Variants in MUC4 observed in about 807,000 individuals in gnomAD.
The protein encoded by MUC4 is mucin 4, cell surface associated.
A neutral mutation model predicts 257.9 loss-of-function variants in MUC4; 202 were observed. The ratio of observed to expected loss-of-function variants is 0.78; its 90% CI spans 0.70 to 0.88. The LOEUF is 0.88. Among genes scored for constraint, MUC4 ranks in the 40% least tolerant of loss-of-function variants. The pLI is 0.00. For missense variants in MUC4, 5,976 were observed against 6,513.7 expected (o/e 0.92, Z 2.84); for synonymous variants, 2,351 against 2,757.1 (o/e 0.85, Z 4.62).
chr3:195,767,463 T>TC (rs1720833379), intron 7 of MUC4, among the ~76,000 whole-genome samples: 9 of 37,346 alleles, frequency 2.4e-4, no homozygotes, highest in African/African-American at 7.5e-4. Context: ...CCACCAACAC[T>TC]ACCACCACCA....
intron 16 of MUC4, 120 bp downstream of exon 16, chr3:195,760,764 C>T: frequency 2.4e-6 from 2 of 817,634 alleles, no homozygotes; most frequent in South Asian, 3.1e-5. Context: ...AGAGGAATGC[C>T]AGGAGTGGAA....
intron 3 of MUC4, among the ~76,000 whole-genome samples, chr3:195,777,899 GCCATACCTTCCACACCCATACCTTCCACA>G (rs1725319327): frequency 3.1e-5 from 1 of 31,976 alleles, no homozygotes; most frequent in East Asian, 4.4e-4. Flanking sequence ...ACCTTCCACA[GCCATACCTTCCACACCCATACCTTCCACA>G]CCCATACCTT....
At position 195,782,652 on chromosome 3, in the gene MUC4, AG is replaced by A; in HGVS notation, c.8927del (p.Pro2976LeufsTer28). 7.3e-7 allele frequency: 1 copy of A among 1,378,838 alleles called. No homozygotes were observed. The highest frequency in any genetic ancestry group is 9.8e-7 in the Non-Finnish European group (1 of 1,019,808). The allele number at this position is 1,378,838 out of a possible 1,614,324, so 85.4% of individuals were successfully genotyped here. A position where few individuals can be genotyped will look rare whatever the true frequency, so the allele number is the denominator to read the frequency against. ...CTGAGGAAGTGTCGGTGTCAGGAAG[AG>A]GGGTGGCGTGACCTGTGGATGCTGA... ...TSSASTGHAT[P>X]LPDTDTSSAS... On this transcript the variant is annotated frameshift_variant, in exon 2 of 25. Transcript: ENST00000463781. LOFTEE classifies it high-confidence loss of function.
chr3:195,794,381 GAGAGAGAGAGAAGAA>G (rs111612387), intron 1 of MUC4, among the ~76,000 whole-genome samples: 1,650 of 150,880 alleles, frequency 0.011, 24 homozygotes, highest in African/African-American at 0.039. Context: ...TATAGAGAGA[GAGAGAGAGAGAAGAA>G]AGAGAGAGAG....
rs1018195432 is a variant in MUC4 at position 195,780,453 on chromosome 3, G to C, written c.11127C>G (p.His3709Gln). ...VTIPSSSSSG[H>Q]TTPLPVTSTS... ...TGCTGGTGACAGGAAGAGGGGTGGT[G>C]TGACCTGAGGATGATGAGGAAGGGA... The change falls in exon 2 of 25, where the codon CAC (histidine) becomes CAG (glutamine). Residue 3709 changes from histidine (H) to glutamine (Q), a missense_variant. Physicochemically the swap from His to Gln is conservative, Grantham distance 24 (BLOSUM62 0). This residue lies in a region of MUC4 where 330 missense variants were observed against 262.0 expected (regional missense o/e 1.26). Coordinates refer to ENST00000463781, the MANE Select transcript of MUC4 (RefSeq NM_018406.7). 0.12 allele frequency: 100,434 copies of C among 812,036 alleles called. 15,344 individuals carry two copies. The highest frequency in any genetic ancestry group is 0.26 in the East Asian group (6,506 of 24,634). 50.3% of individuals were successfully genotyped at this position (812,036 alleles called of 1,614,324 possible).
At chr3:195,807,523 C>T (rs77894909) in intron 1 of MUC4, among the ~76,000 whole-genome samples, 2 of 152,100 alleles carry the variant, frequency 1.3e-5, no homozygotes, top group East Asian at 3.9e-4. Context: ...ATAAAAAAAC[C>T]GTCTATGAAG....
At chr3:195,761,322 A>G (rs1215921951) in intron 15 of MUC4, among the ~76,000 whole-genome samples, 162 bp downstream of exon 15, 1 of 152,104 alleles carries the variant, frequency 6.6e-6, no homozygotes, top group Non-Finnish European at 1.5e-5. Flanking sequence ...AGGTAGAGAG[A>G]GGCAGGTGGG....
intron 1 of MUC4, among the ~76,000 whole-genome samples, chr3:195,804,503 T>G (rs1437467340): frequency 6.6e-6 from 1 of 152,272 alleles, no homozygotes; most frequent in Non-Finnish European, 1.5e-5. Flanking sequence ...TTCTAAGTGC[T>G]GTGGGTTGAG....
rs766328610 is a variant in MUC4 at position 195,782,858 on chromosome 3, C to G, written c.8722G>C (p.Gly2908Arg). ...GTGACAGGAAGAGGCGTGGTGTCAC[C>G]TGTGGATACTGAGGAAAGGCTGGTG... ...PLTSLSSVST[G>R]DTTPLPVTDT... is the part of the protein sequence containing the mutation. The change falls in exon 2 of 25, where the codon GGT (glycine) becomes CGT (arginine). Residue 2908 changes from glycine (G) to arginine (R), a missense_variant. Transcript: ENST00000463781. The G allele has an allele frequency of 1.2e-5, 18 of 1,523,448 alleles. No homozygotes were observed. In the South Asian group the frequency reaches 2.0e-4, roughly 17 times the overall value. The allele number at this position is 1,523,448 out of a possible 1,614,324, so 94.4% of individuals were successfully genotyped here.
intron 1 of MUC4, among the ~76,000 whole-genome samples, chr3:195,808,475 G>A (rs1028983432): frequency 1.3e-5 from 2 of 151,932 alleles, no homozygotes; most frequent in African/African-American, 4.8e-5. Flanking sequence ...AAAAGTGCTG[G>A]GATTACAGCG....
At position 195,771,818 on chromosome 3, in the gene MUC4, T is replaced by C; in HGVS notation, c.13078-2A>G. 2 of 1,613,418 alleles carry C rather than the reference T, an allele frequency of 1.2e-6. No homozygotes were observed. The highest frequency in any genetic ancestry group is 2.2e-5 in the South Asian group (2 of 91,054). On this transcript the variant is annotated splice_acceptor_variant, in intron 4 of 24. Coordinates refer to ENST00000463781, the MANE Select transcript of MUC4 (RefSeq NM_018406.7). LOFTEE classifies it high-confidence loss of function. ...GATGATCTGGCCATTGTCTGTGAAC[T>C]GAGCACATGGGTTTTGTGGTCAGCA... is the stretch of plus-strand genomic sequence containing the variant.
chr3:195,753,176 T>C lies in MUC4; in HGVS notation c.15383A>G (p.Tyr5128Cys), dbSNP rs1165217392. ...QNQSCPVNYC[Y>C]NQGHCYISQT... ...GGAGATGTAGCAGTGGCCTTGATTG[T>C]AGCAGTAATTCACAGGGCAGGACTG... The change falls in exon 20 of 25, where the codon TAC becomes TGC. Residue 5128 changes from tyrosine (Y) to cysteine (C), a missense_variant. Tyr to Cys is a radical substitution (Grantham distance 194, BLOSUM62 -2). This residue lies in a region of MUC4 where 996 missense variants were observed against 1,137.3 expected (regional missense o/e 0.88). Transcript: ENST00000463781. The C allele has an allele frequency of 8.1e-6, 13 of 1,613,778 alleles. No individual in the cohort carries two copies. The highest frequency in any genetic ancestry group is 1.1e-5 in the Non-Finnish European group (13 of 1,179,836).
Position 195,778,813 on chromosome 3 carries a change from G to A in MUC4, c.12767C>T (p.Ser4256Phe), listed in dbSNP as rs762799238. 2 of 1,611,964 alleles carry A rather than the reference G, an allele frequency of 1.2e-6. No homozygotes were observed. Among genetic ancestry groups the A allele is most frequent in the Admixed American group, 1.7e-5 (1 of 59,872 alleles). ...ATSASTVSSD[S>F]PLKMETPGMT... ...ACCTGGTGTTTCCATCTTCAGAGGG[G>A]AGTCCGAGGATACTGTGGAAGCTGA... Residue 4256 changes from serine to phenylalanine, a missense_variant, in exon 2 of 25, where the codon TCC becomes TTC. This residue lies in a region of MUC4 where 233 missense variants were observed against 171.2 expected (regional missense o/e 1.36). Transcript: ENST00000463781.
At chr3:195,799,260 T>TGTGTGTGTGTGTGTGAGAGA (rs1553889795) in intron 1 of MUC4, among the ~76,000 whole-genome samples, 15 of 149,228 alleles carry the variant, frequency 1.0e-4, no homozygotes, top group African/African-American at 2.7e-4. Flanking sequence ...TGTGTGTGTG[T>TGTGTGTGTGTGTGTGAGAGA]GACACTGTGT....
At chr3:195,797,916 G>A (rs916463072) in intron 1 of MUC4, among the ~76,000 whole-genome samples, 5 of 151,672 alleles carry the variant, frequency 3.3e-5, no homozygotes, top group Non-Finnish European at 7.4e-5. Flanking sequence ...GACCAGCCTG[G>A]GTAACATAGC....
intron 24 of MUC4, among the ~76,000 whole-genome samples, chr3:195,747,603 G>A (rs1239811992): frequency 6.6e-6 from 1 of 152,290 alleles, no homozygotes; most frequent in Non-Finnish European, 1.5e-5. Flanking sequence ...GGGGGCTCAC[G>A]CCTGTAATCC....
Position 195,774,269 on chromosome 3 carries a change from TC to T in MUC4, c.12979del (p.Asp4327ThrfsTer100), listed in dbSNP as rs780138113. 11 of 1,592,698 alleles carry T rather than the reference TC, an allele frequency of 6.9e-6. No homozygotes were observed. The highest frequency in any genetic ancestry group is 9.4e-6 in the Non-Finnish European group (11 of 1,170,960). ...SLFPYGAGAG[D>X]LEFVRRTVDF... is the part of the protein sequence containing the mutation. Reference sequence around the variant, plus strand: ...CACGGTCCTCCTGACGAACTCCAGGTCCCCGGCGCCTGCCCCATAGGGGAAG... The same window carrying T: ...CACGGTCCTCCTGACGAACTCCAGGTCCCGGCGCCTGCCCCATAGGGGAAG... On this transcript the variant is annotated frameshift_variant, in exon 4 of 25. Coordinates refer to ENST00000463781, the MANE Select transcript of MUC4 (RefSeq NM_018406.7). LOFTEE classifies it high-confidence loss of function.
chr3:195,763,315 C>T, intron 12 of MUC4, 118 bp downstream of exon 12: 3 of 1,049,986 alleles, frequency 2.9e-6, no homozygotes, highest in Non-Finnish European at 3.9e-6. Context: ...GGGCTGTGTC[C>T]TCCCTCCCTC....
chr3:195,773,618 TCGC>T (rs1723669010), intron 4 of MUC4, among the ~76,000 whole-genome samples: 1 of 133,574 alleles, frequency 7.5e-6, no homozygotes, highest in Admixed American at 7.6e-5. Flanking sequence ...CCTCTCTCTA[TCGC>T]TCAGCAGGTG....
Sources: allele counts gnomAD v4.1 joint callset (sites outside exome capture counted in the v4.1 genomes callset), GRCh38; gene constraint gnomAD v4.1.1; regional missense constraint gnomAD v4.1.1; transcripts MANE v1.5; gene names NCBI Gene and HGNC (gene_info 2026-07-23, HGNC 2026-07-21).